Variants in NRXN3 observed in about 807,000 individuals in gnomAD.
The protein encoded by NRXN3 is neurexin III.
In NRXN3, 32 loss-of-function variants were observed where a neutral mutation model predicts 137.6. That is an observed-to-expected ratio of 0.23 (90% confidence interval 0.18 to 0.31). The LOEUF (loss-of-function observed/expected upper bound fraction) is 0.31. Among genes scored for constraint, NRXN3 ranks in the 10% least tolerant of loss-of-function variants. The probability of loss-of-function intolerance (pLI) is 1.00; values close to 1 mark genes in which losing one functional copy is unlikely to be tolerated. For missense variants in NRXN3, 1,574 were observed against 2,062.5 expected (o/e 0.76, Z 4.59); for synonymous variants, 798 against 784.5 (o/e 1.02, Z -0.29).
At chr14:78,507,060 G>T (rs948192558) in intron 4 of NRXN3, among the ~76,000 whole-genome samples, 1 of 151,986 alleles carries the variant, frequency 6.6e-6, no homozygotes, top group Non-Finnish European at 1.5e-5. Context: ...CATTCCATAG[G>T]CCAAATAAGA....
intron 6 of NRXN3, among the ~76,000 whole-genome samples, chr14:78,685,957 GT>G (rs1259489238): frequency 6.6e-6 from 1 of 151,934 alleles, no homozygotes. Flanking sequence ...CCATGTCACA[GT>G]TTTATAGGCC....
intron 16 of NRXN3, among the ~76,000 whole-genome samples, chr14:79,470,860 A>G (rs1402169324): frequency 1.4e-5 from 2 of 146,360 alleles, no homozygotes; most frequent in African/African-American, 2.5e-5. Flanking sequence ...AGCGGTGTAT[A>G]TGTGTGTGTG....
At chr14:78,673,984 C>T (rs1376715728) in intron 6 of NRXN3, among the ~76,000 whole-genome samples, 1 of 152,154 alleles carries the variant, frequency 6.6e-6, no homozygotes, top group African/African-American at 2.4e-5. Flanking sequence ...ATCCAAAAAC[C>T]TATGCCTATA....
intron 19 of NRXN3, among the ~76,000 whole-genome samples, chr14:79,716,624 A>C (rs917910): frequency 6.6e-6 from 1 of 151,690 alleles, no homozygotes; most frequent in Admixed American, 6.6e-5. Flanking sequence ...GTTTTCCTGC[A>C]GTCTAATTAG....
intron 4 of NRXN3, among the ~76,000 whole-genome samples, chr14:78,587,515 A>G (rs2097077276): frequency 6.6e-6 from 1 of 152,208 alleles, no homozygotes; most frequent in Admixed American, 6.5e-5. Context: ...GATGATTTTA[A>G]TGAGTCTTCC....
intron 16 of NRXN3, among the ~76,000 whole-genome samples, chr14:79,562,700 G>T (rs1330635574): frequency 6.6e-6 from 1 of 152,074 alleles, no homozygotes; most frequent in Non-Finnish European, 1.5e-5. Context: ...AATTCCATCA[G>T]CTTAGAAGTT....
chr14:79,733,611 G>GCTAT (rs1193108278), intron 19 of NRXN3, among the ~76,000 whole-genome samples: 1 of 151,570 alleles, frequency 6.6e-6, no homozygotes, highest in Non-Finnish European at 1.5e-5. Context: ...TTCACCGATT[G>GCTAT]CTATCTTGAC....
At position 79,148,141 on chromosome 14, in the gene NRXN3, G is replaced by C. The variant is rs149161696; in HGVS notation, c.3262+160000G>C. 2.0e-5 allele frequency among the ~76,000 whole-genome samples: 3 copies of C among 152,248 alleles called. No homozygotes were observed. In the East Asian group the frequency reaches 5.8e-4, roughly 30 times the overall value. ...TTTATGGAACTTTCATTTTAGGAAG[G>C]AGGAAACAGTAAGCAAGTGAACAGA... On this transcript the variant is annotated intron_variant, in intron 15 of 20. Coordinates refer to ENST00000335750, the MANE Select transcript of NRXN3 (RefSeq NM_001330195.2).
intron 4 of NRXN3, among the ~76,000 whole-genome samples, chr14:78,470,396 C>T (rs1055876058): frequency 2.0e-5 from 3 of 151,456 alleles, no homozygotes; most frequent in Non-Finnish European, 4.4e-5. Flanking sequence ...AAAGTTATTG[C>T]TTCAAATATT....
In NRXN3 at chr14:79,732,744, G is replaced by A. The variant is rs142144512; in HGVS notation, c.4014+34807G>A. ...TTCCCACAATAACTGTACAAATATG[G>A]TTCTCTTGCCTCCATCTTATATATG... On this transcript the variant is annotated intron_variant, in intron 19 of 20. Coordinates refer to ENST00000335750, the MANE Select transcript of NRXN3 (RefSeq NM_001330195.2). Among the ~76,000 whole-genome samples the A allele has an allele frequency of 1.6e-3, 242 of 152,048 alleles. 1 individual carries two copies. Among genetic ancestry groups the A allele is most frequent in the African/African-American group, 5.6e-3 (231 of 41,466 alleles).
At chr14:79,833,725 T>A (rs2099329525) in intron 20 of NRXN3, among the ~76,000 whole-genome samples, 1 of 152,166 alleles carries the variant, frequency 6.6e-6, no homozygotes, top group Non-Finnish European at 1.5e-5. Context: ...TAGCAGCTCA[T>A]CTGTAGAGGT....
At chr14:78,758,993 T>A (rs2098681294) in intron 8 of NRXN3, among the ~76,000 whole-genome samples, 1 of 152,218 alleles carries the variant, frequency 6.6e-6, no homozygotes, top group African/African-American at 2.4e-5. Flanking sequence ...AAAGAGGGAC[T>A]TTTCAGCAAT....
intron 14 of NRXN3, among the ~76,000 whole-genome samples, chr14:78,969,814 AGTGTGTGTGTGTGTGT>A (rs376306137): frequency 7.8e-5 from 11 of 141,488 alleles, no homozygotes; most frequent in Middle Eastern, 3.6e-3. Context: ...TGTACTATGT[AGTGTGTGTGTGTGTGT>A]GTGTGTGTGT....
intron 15 of NRXN3, among the ~76,000 whole-genome samples, chr14:79,414,402 T>G (rs964588820): frequency 2.6e-5 from 4 of 152,234 alleles, no homozygotes; most frequent in South Asian, 2.1e-4. Context: ...TTTCTCTTCC[T>G]TTTAGGGATT....
chr14:79,764,108 T>G (rs1250999055), intron 19 of NRXN3, among the ~76,000 whole-genome samples: 1 of 152,052 alleles, frequency 6.6e-6, no homozygotes, highest in East Asian at 1.9e-4. Flanking sequence ...ATACTTAGCT[T>G]TTTTATATAT....
chr14:78,848,674 A>G (rs753889707), intron 10 of NRXN3, among the ~76,000 whole-genome samples: 2 of 152,188 alleles, frequency 1.3e-5, no homozygotes, highest in Non-Finnish European at 2.9e-5. Context: ...CTTAAACTGC[A>G]GCAGGCCCAG....
At chr14:78,653,001 T>G (rs1314214042) in intron 6 of NRXN3, among the ~76,000 whole-genome samples, 1 of 152,048 alleles carries the variant, frequency 6.6e-6, no homozygotes, top group Non-Finnish European at 1.5e-5. Context: ...AGAGAAGGAG[T>G]GACATTTGAG....
At chr14:79,052,947 GAC>G (rs1357305003) in intron 15 of NRXN3, among the ~76,000 whole-genome samples, 1 of 152,198 alleles carries the variant, frequency 6.6e-6, no homozygotes, top group African/African-American at 2.4e-5. Context: ...GGTAGTGAAA[GAC>G]AGCAGGGAGA....
intron 10 of NRXN3, among the ~76,000 whole-genome samples, chr14:78,910,204 T>C (rs1283770098): frequency 6.6e-6 from 1 of 152,116 alleles, no homozygotes; most frequent in Non-Finnish European, 1.5e-5. Context: ...ATTGTAGATA[T>C]AGCAGAAAGA....
Sources: allele counts gnomAD v4.1 joint callset (sites outside exome capture counted in the v4.1 genomes callset), GRCh38; gene constraint gnomAD v4.1.1; transcripts MANE v1.5; gene names NCBI Gene and HGNC (gene_info 2026-07-23, HGNC 2026-07-21).